RAPGEF4: variants seen among roughly 807,000 people sequenced by gnomAD.
RAPGEF4 encodes the protein RAP guanine-nucleotide-exchange factor (GEF) 4.
Under a neutral mutation model 147.9 loss-of-function variants are expected in RAPGEF4, and 66 were observed. The observed-to-expected ratio is 0.45, with a 90% CI of 0.37 to 0.55. RAPGEF4 has a LOEUF of 0.55. RAPGEF4 is among the 20% of genes least tolerant of loss of function. RAPGEF4 has a pLI of 0.00. For synonymous variants in RAPGEF4, 419 were observed against 442.7 expected, an observed-to-expected ratio of 0.95 and a Z score of 0.67; for missense variants, 1,071 against 1,257.3, an observed-to-expected ratio of 0.85 and a Z score of 2.24.
chr2:172,993,781 A>G (rs895611434), intron 15 of RAPGEF4, among the ~76,000 whole-genome samples: 1 of 152,128 alleles, frequency 6.6e-6, no homozygotes, highest in African/African-American at 2.4e-5. Context: ...CCCCCACCCT[A>G]AGGGAATGTT....
chr2:172,929,557 T>G (rs1575277195), intron 6 of RAPGEF4, among the ~76,000 whole-genome samples: 1 of 152,374 alleles, frequency 6.6e-6, no homozygotes, highest in East Asian at 1.9e-4. Context: ...TTGCCAGTTT[T>G]TATAAATGTC....
intron 4 of RAPGEF4, among the ~76,000 whole-genome samples, chr2:172,822,811 C>A (rs115662815): frequency 0.012 from 1,768 of 152,332 alleles, 36 homozygotes; most frequent in African/African-American, 0.038. Flanking sequence ...TTCTCTTACA[C>A]TGGGTCTCCT....
intron 29 of RAPGEF4, among the ~76,000 whole-genome samples, chr2:173,046,823 G>A (rs1245252570): frequency 6.6e-6 from 1 of 152,118 alleles, no homozygotes; most frequent in Admixed American, 6.5e-5. Context: ...TCCAATGCAG[G>A]TACATGTCAC....
intron 30 of RAPGEF4, among the ~76,000 whole-genome samples, chr2:173,048,939 A>G (rs1435919882): frequency 6.6e-6 from 1 of 152,260 alleles, no homozygotes; most frequent in Admixed American, 6.5e-5. Context: ...AGCTGGAGAC[A>G]ACTAAAGTAC....
At chr2:172,926,585 T>C (rs1685384286) in intron 6 of RAPGEF4, among the ~76,000 whole-genome samples, 1 of 152,138 alleles carries the variant, frequency 6.6e-6, no homozygotes, top group Admixed American at 6.5e-5. Context: ...TGTTTGTTTG[T>C]TTTTCAAGAT....
intron 1 of RAPGEF4, among the ~76,000 whole-genome samples, chr2:172,771,546 G>A (rs372874892): frequency 8.9e-4 from 136 of 151,990 alleles, no homozygotes; most frequent in South Asian, 3.5e-3. Flanking sequence ...TATTTTCCCC[G>A]AAATGCATTT....
At chr2:173,033,316 A>C (rs527274711) in intron 26 of RAPGEF4, among the ~76,000 whole-genome samples, 1 of 152,314 alleles carries the variant, frequency 6.6e-6, no homozygotes, top group Non-Finnish European at 1.5e-5. Flanking sequence ...ACTCTGGGCC[A>C]GTCATTGAAA....
intron 3 of RAPGEF4, among the ~76,000 whole-genome samples, chr2:172,809,399 A>T (rs533238007): frequency 1.0e-3 from 157 of 152,340 alleles, no homozygotes; most frequent in Middle Eastern, 3.4e-3. Flanking sequence ...CACTTTGAGA[A>T]GAATTAGGGT....
intron 6 of RAPGEF4, among the ~76,000 whole-genome samples, chr2:172,929,422 CACAT>C (rs1685695845): frequency 6.6e-6 from 1 of 152,128 alleles, no homozygotes; most frequent in East Asian, 1.9e-4. Flanking sequence ...TATATATAGA[CACAT>C]ACATATGTAT....
intron 4 of RAPGEF4, among the ~76,000 whole-genome samples, chr2:172,911,935 A>AT (rs1040901261): frequency 2.0e-4 from 30 of 151,286 alleles, no homozygotes; most frequent in African/African-American, 6.8e-4. Flanking sequence ...CCTGGCTAAT[A>AT]TTTTAATTTG....
chr2:172,846,343 G>A (rs1692188385), intron 4 of RAPGEF4, among the ~76,000 whole-genome samples: 1 of 152,068 alleles, frequency 6.6e-6, no homozygotes, highest in Admixed American at 6.5e-5. Context: ...CATATGACAT[G>A]TCGTCTTGCA....
At chr2:173,037,643 G>A (rs1300668843) in intron 29 of RAPGEF4, among the ~76,000 whole-genome samples, 1 of 152,148 alleles carries the variant, frequency 6.6e-6, no homozygotes, top group Non-Finnish European at 1.5e-5. Context: ...TGGAGTGTTG[G>A]AGTGCTTAAT....
intron 10 of RAPGEF4, among the ~76,000 whole-genome samples, chr2:172,975,912 A>T (rs1048719456): frequency 2.0e-5 from 3 of 152,230 alleles, no homozygotes; most frequent in East Asian, 1.9e-4. Context: ...CTTGTAGTAA[A>T]CACTTTTGCT....
chr2:172,898,471 A>T (rs1173522919), intron 4 of RAPGEF4, among the ~76,000 whole-genome samples: 3 of 151,570 alleles, frequency 2.0e-5, no homozygotes, highest in African/African-American at 7.3e-5. Context: ...GACCCACCTC[A>T]CTCTGTGGAC....
chr2:173,047,134 A>G (rs1351536986), intron 29 of RAPGEF4, among the ~76,000 whole-genome samples: 2 of 142,858 alleles, frequency 1.4e-5, no homozygotes, highest in African/African-American at 5.1e-5. Flanking sequence ...GAGCCTGAGC[A>G]GTAAAGTGTC....
chr2:172,738,923 G>A (rs746792989), intron 1 of RAPGEF4, among the ~76,000 whole-genome samples: 1 of 152,184 alleles, frequency 6.6e-6, no homozygotes, highest in Non-Finnish European at 1.5e-5. Flanking sequence ...AAAACACAAG[G>A]AAAATAGAGC....
chr2:172,736,555 C>T (rs1213482585), intron 1 of RAPGEF4, among the ~76,000 whole-genome samples: 2 of 152,188 alleles, frequency 1.3e-5, no homozygotes, highest in Non-Finnish European at 2.9e-5. Context: ...CAGCTCTCTG[C>T]CCCCGCAGTC....
intron 1 of RAPGEF4, among the ~76,000 whole-genome samples, chr2:172,756,796 A>G (rs546545645): frequency 1.3e-4 from 20 of 152,240 alleles, no homozygotes; most frequent in Non-Finnish European, 2.6e-4. Flanking sequence ...CCTTGCAGAA[A>G]TGACTGTAGT....
intron 4 of RAPGEF4, among the ~76,000 whole-genome samples, chr2:172,901,528 T>C (rs1462198432): frequency 2.0e-5 from 3 of 152,256 alleles, no homozygotes; most frequent in Non-Finnish European, 4.4e-5. Context: ...CTTTCAAGCA[T>C]CTGTTTTTTG....
Sources: allele counts gnomAD v4.1 joint callset (sites outside exome capture counted in the v4.1 genomes callset), GRCh38; gene constraint gnomAD v4.1.1; transcripts MANE v1.5; gene names NCBI Gene and HGNC (gene_info 2026-07-23, HGNC 2026-07-21).